Variants in TRHR observed in about 807,000 individuals in gnomAD.
TRHR encodes the protein thyrotropin-releasing hormone receptor.
Under a neutral mutation model 28.0 loss-of-function variants are expected in TRHR, and 14 were observed. That is an observed-to-expected ratio of 0.50 (90% CI 0.33 to 0.78). The LOEUF (loss-of-function observed/expected upper bound fraction) is 0.78. Ranked by LOEUF, TRHR falls within the 30% of genes least tolerant of loss-of-function variation. The pLI, the probability that TRHR is intolerant of heterozygous loss-of-function variation, is 0.02. For synonymous variants in TRHR, 176 were observed against 171.9 expected (o/e 1.02, Z -0.18); for missense variants, 438 against 469.5 (o/e 0.93, Z 0.62).
chr8:109,087,033 A>C (rs1811443963), intron 1 of TRHR, 150 bp downstream of exon 1: 1 of 163,634 alleles, frequency 6.1e-6, no homozygotes, highest in South Asian at 1.6e-4. Flanking sequence ...TTGATTATTG[A>C]GCTTCTTGGC....
At chr8:109,090,844 T>C (rs904518706) in intron 2 of TRHR, among the ~76,000 whole-genome samples, 3 of 152,174 alleles carry the variant, frequency 2.0e-5, no homozygotes, top group East Asian at 1.9e-4. Flanking sequence ...GTGGGACTTA[T>C]GTGATGGAGC....
chr8:109,096,550 G>A (rs1563622475), intron 2 of TRHR, among the ~76,000 whole-genome samples: 1 of 152,116 alleles, frequency 6.6e-6, no homozygotes. Context: ...CACACTCAGT[G>A]GTGTGTAGCT....
At chr8:109,089,914 A>G (rs903451069) in intron 2 of TRHR, among the ~76,000 whole-genome samples, 1 of 152,188 alleles carries the variant, frequency 6.6e-6, no homozygotes, top group African/African-American at 2.4e-5. Flanking sequence ...GTCTTGTCTA[A>G]TGTCCTTTCT....
At position 109,119,096 on chromosome 8, in the gene TRHR, A is replaced by G; in HGVS notation, c.838A>G (p.Met280Val). 1 of 1,612,816 alleles carries G rather than the reference A, an allele frequency of 6.2e-7. No individual in the cohort carries two copies. The highest frequency in any genetic ancestry group is 8.5e-7 in the Non-Finnish European group (1 of 1,179,236). ...TGTAATTCTGTTTGCCCTTTTATGG[A>G]TGCCCTACAGGACTCTAGTGGTTGT... is the stretch of plus-strand genomic sequence containing the variant. The part of the protein sequence containing the change: ...VVVILFALLW[M>V]PYRTLVVVNS... Residue 280 changes from methionine to valine, a missense_variant, in exon 3 of 3, where the codon ATG becomes GTG. Transcript: ENST00000518632.
chr8:109,113,511 G>A (rs1450543198), intron 2 of TRHR, among the ~76,000 whole-genome samples: 2 of 152,124 alleles, frequency 1.3e-5, no homozygotes, highest in Non-Finnish European at 2.9e-5. Context: ...TGACACCTAA[G>A]ATAATGTGGT....
Position 109,119,369 on chromosome 8 carries a change from A to G in TRHR, c.1111A>G (p.Thr371Ala), listed in dbSNP as rs939113108. 1.2e-6 allele frequency: 2 copies of G among 1,612,332 alleles called. No individual in the cohort carries two copies. The highest frequency in any genetic ancestry group is 1.7e-6 in the Non-Finnish European group (2 of 1,179,022). The change falls in exon 3 of 3, where the codon ACT (threonine) becomes GCT (alanine). Residue 371 changes from threonine (T) to alanine (A), a missense_variant. By Grantham distance (58) the Thr-to-Ala change is moderately conservative. Coordinates refer to ENST00000518632, the MANE Select transcript of TRHR (RefSeq NM_003301.7). Reference protein sequence around the residue: ...DHFSTELDDITVTDTYLSATK... With the variant: ...DHFSTELDDIAVTDTYLSATK... ...TTTCAGCACAGAGCTTGATGATATCACTGTCACTGACACTTACCTGTCTGC... is the reference window on the plus strand; with the variant it reads ...TTTCAGCACAGAGCTTGATGATATCGCTGTCACTGACACTTACCTGTCTGC...
intron 2 of TRHR, among the ~76,000 whole-genome samples, chr8:109,115,873 C>T (rs1811913884): frequency 6.6e-6 from 1 of 152,066 alleles, no homozygotes; most frequent in Admixed American, 6.6e-5. Context: ...GAGGGCATCC[C>T]TGTCTTGTGC....
chr8:109,117,446 G>A (rs954516160), intron 2 of TRHR, among the ~76,000 whole-genome samples: 1 of 151,778 alleles, frequency 6.6e-6, no homozygotes, highest in Admixed American at 6.6e-5. Context: ...CAGATTACTT[G>A]GGCCATCTTA....
In TRHR at chr8:109,120,854, AT is replaced by A. The variant is rs1471715474; in HGVS notation, c.*1404del. Among the ~76,000 whole-genome samples, 1 of 151,560 alleles carries A rather than the reference AT, an allele frequency of 6.6e-6. No homozygotes were observed. The stretch of plus-strand genomic sequence containing the variant: ...CTTGGTGATGGTTCAGTAGTCATTG[AT>A]TTTTAATGAGTAGATCAAAAAAGTA... On this transcript the variant is annotated 3_prime_UTR_variant, in exon 3 of 3. Transcript: ENST00000518632.
intron 2 of TRHR, among the ~76,000 whole-genome samples, chr8:109,097,010 G>T (rs1011939470): frequency 3.3e-5 from 5 of 152,076 alleles, no homozygotes; most frequent in African/African-American, 1.2e-4. Context: ...AGTGCAACTT[G>T]CCAGTACGAT....
chr8:109,115,093 C>G (rs551235638), intron 2 of TRHR, among the ~76,000 whole-genome samples: 1 of 152,222 alleles, frequency 6.6e-6, no homozygotes, highest in South Asian at 2.1e-4. Flanking sequence ...TATCACCATA[C>G]ACCCTATACG....
intron 2 of TRHR, among the ~76,000 whole-genome samples, chr8:109,115,189 C>A (rs1378190457): frequency 3.3e-5 from 5 of 152,088 alleles, no homozygotes; most frequent in Non-Finnish European, 7.4e-5. Flanking sequence ...TGTTTTGGTA[C>A]CAGTACCATG....
chr8:109,110,328 T>A (rs2129921687), intron 2 of TRHR, among the ~76,000 whole-genome samples: 1 of 152,224 alleles, frequency 6.6e-6, no homozygotes, highest in South Asian at 2.1e-4. Flanking sequence ...AAGTTTACAG[T>A]GAGCTATGAT....
intron 2 of TRHR, among the ~76,000 whole-genome samples, chr8:109,112,445 C>G (rs1370233332): frequency 6.6e-6 from 1 of 152,180 alleles, no homozygotes; most frequent in African/African-American, 2.4e-5. Flanking sequence ...ATACTATTAA[C>G]TGGGCTGTGG....
chr8:109,094,296 G>T (rs1811557400), intron 2 of TRHR, among the ~76,000 whole-genome samples: 1 of 151,562 alleles, frequency 6.6e-6, no homozygotes, highest in African/African-American at 2.4e-5. Flanking sequence ...CTGTCATGCA[G>T]GCTGGTGTGC....
intron 2 of TRHR, among the ~76,000 whole-genome samples, chr8:109,107,062 C>T (rs1036131944): frequency 3.3e-5 from 5 of 152,120 alleles, no homozygotes; most frequent in African/African-American, 1.2e-4. Flanking sequence ...TTATTAATGT[C>T]TCAGAATCTG....
intron 2 of TRHR, among the ~76,000 whole-genome samples, chr8:109,097,975 C>G (rs1811619105): frequency 6.6e-6 from 1 of 152,070 alleles, no homozygotes; most frequent in Admixed American, 6.6e-5. Context: ...ACATGGAATT[C>G]TTTCCTCTGA....
intron 2 of TRHR, among the ~76,000 whole-genome samples, chr8:109,097,535 C>T (rs1460257362): frequency 6.6e-6 from 1 of 152,082 alleles, no homozygotes; most frequent in Non-Finnish European, 1.5e-5. Context: ...GAAAGATCTA[C>T]GTTAAAACAT....
Position 109,119,132 on chromosome 8 carries a change from C to A in TRHR, c.874C>A (p.Leu292Ile). The A allele has an allele frequency of 6.2e-7, 1 of 1,612,872 alleles. No individual in the cohort carries two copies. The highest frequency in any genetic ancestry group is 8.5e-7 in the Non-Finnish European group (1 of 1,179,218). Residue 292 changes from leucine (L) to isoleucine (I), a missense_variant, in exon 3 of 3, where the codon CTC (leucine) becomes ATC (isoleucine). Leu to Ile is a conservative substitution (Grantham distance 5). Coordinates refer to ENST00000518632, the MANE Select transcript of TRHR (RefSeq NM_003301.7). ...YRTLVVVNSF[L>I]SSPFQENWFL... ...GACTCTAGTGGTTGTCAACTCATTT[C>A]TCTCCAGTCCTTTCCAAGAAAATTG...
Sources: gnomAD v4.1 joint callset for allele counts (sites outside exome capture counted in the v4.1 genomes callset) on GRCh38, gnomAD v4.1.1 for gene constraint, MANE v1.5 for transcripts, NCBI Gene and HGNC (gene_info 2026-07-23, HGNC 2026-07-21) for gene names.